Variants in PCDHGA3 observed in about 807,000 individuals in gnomAD.
The protein encoded by PCDHGA3 is protocadherin gamma-A3.
In PCDHGA3, 40 loss-of-function variants were observed where a neutral mutation model predicts 58.5. The observed-to-expected ratio is 0.68, with a 90% CI of 0.53 to 0.89. The LOEUF is 0.89. Ranked by LOEUF, PCDHGA3 falls within the 40% of genes least tolerant of loss-of-function variation. The pLI is 0.00. For missense variants in PCDHGA3, 1,223 were observed against 1,195.9 expected, an observed-to-expected ratio of 1.02 and a Z score of -0.33; for synonymous variants, 530 against 525.7, an observed-to-expected ratio of 1.01 and a Z score of -0.11.
rs1445450316 is a variant in PCDHGA3, at chr5:141,491,210, C to T, written c.2425-3597C>T. On this transcript the variant is annotated intron_variant, in intron 1 of 3. Coordinates refer to ENST00000253812, the MANE Select transcript of PCDHGA3 (RefSeq NM_018916.4). The surrounding 1 kb of genome is among the most constrained non-coding windows in gnomAD (Gnocchi z 6.9). ...AGGGACAATGGTGACCCTTCACTCT[C>T]CTCCACAGCCACAGTGCTGCTGGTT... The T allele has an allele frequency of 3.7e-6, 6 of 1,614,228 alleles. No homozygotes were observed. Among genetic ancestry groups the T allele is most frequent in the Non-Finnish European group, 3.4e-6 (4 of 1,180,032 alleles).
In PCDHGA3 at chr5:141,486,574, C is replaced by T. The variant is rs1435813800; in HGVS notation, c.2425-8233C>T. On this transcript the variant is annotated intron_variant, in intron 1 of 3. Transcript: ENST00000253812. This position sits in a 1 kb window ranked among gnomAD's most constrained non-coding sequence, Gnocchi z 5.0. ...CACATGAGGTGTTTGTTCCTGAGAACAATCGCCCAGGGGACCTGCTTTGCT... is the reference window on the plus strand; with the variant it reads ...CACATGAGGTGTTTGTTCCTGAGAATAATCGCCCAGGGGACCTGCTTTGCT... The T allele has an allele frequency of 1.9e-6, 3 of 1,613,868 alleles. No homozygotes were observed. Among genetic ancestry groups the T allele is most frequent in the Non-Finnish European group, 2.5e-6 (3 of 1,180,002 alleles).
chr5:141,389,309 T>C (rs763262842), intron 1 of PCDHGA3: 1 of 1,613,900 alleles, frequency 6.2e-7, no homozygotes, highest in African/African-American at 1.3e-5. Context: ...TCAGGGCTTC[T>C]GATCCGGACT....
chr5:141,371,565 C>A (rs373548501), intron 1 of PCDHGA3: 57 of 1,613,742 alleles, frequency 3.5e-5, no homozygotes, highest in Non-Finnish European at 4.6e-5. Context: ...AGGAAACTTC[C>A]CCTTTAAAAT....
intron 1 of PCDHGA3, chr5:141,390,099 C>G: frequency 6.2e-7 from 1 of 1,614,052 alleles, no homozygotes; most frequent in Non-Finnish European, 8.5e-7. Context: ...CGTGGTTCCC[C>G]CCAACTACAG....
At chr5:141,408,974 G>T (rs899313364) in intron 1 of PCDHGA3, 1 of 1,613,690 alleles carries the variant, frequency 6.2e-7, no homozygotes, top group South Asian at 1.1e-5. Flanking sequence ...TCTGCCCCCT[G>T]GGTCCCCTGT....
intron 1 of PCDHGA3, among the ~76,000 whole-genome samples, chr5:141,347,932 G>C (rs1758039048): frequency 6.6e-6 from 1 of 152,094 alleles, no homozygotes; most frequent in African/African-American, 2.4e-5. Context: ...AAATTATTAT[G>C]AGCCTTGGAG....
intron 1 of PCDHGA3, among the ~76,000 whole-genome samples, chr5:141,359,329 C>T (rs1425381791): frequency 6.6e-6 from 1 of 151,992 alleles, no homozygotes; most frequent in Middle Eastern, 3.4e-3. Context: ...GGAATATATT[C>T]CAGAATGAGA....
At position 141,415,641 on chromosome 5, in the gene PCDHGA3, TAA is replaced by T. The variant is rs113784532; in HGVS notation, c.2424+69194_2424+69195del. On this transcript the variant is annotated intron_variant, in intron 1 of 3. Transcript: ENST00000253812. ...GTTTTATTTTCATTTTTACTTTTGT[TAA>T]AAAAAAAAAGATTGGTTTTTACTTT... is the stretch of plus-strand genomic sequence containing the variant. 3.1e-5 allele frequency: 40 copies of T among 1,280,748 alleles called. No homozygotes were observed. The African/African-American group carries it at 4.6e-4, about 15-fold the overall frequency. 79.3% of individuals were successfully genotyped at this position (1,280,748 alleles called of 1,614,324 possible).
rs1561745511 is a variant in PCDHGA3 at position 141,413,844 on chromosome 5, C to T, written c.2424+67387C>T. The stretch of plus-strand genomic sequence containing the variant: ...TCCTCACCGCCTCCGACGGGGGTGA[C>T]CCTCTCCGATCTGGCACTGTCCTTG... On this transcript the variant is annotated intron_variant, in intron 1 of 3. Transcript: ENST00000253812. The T allele has an allele frequency of 5.6e-6, 9 of 1,613,254 alleles. No homozygotes were observed. The East Asian group carries it at 6.7e-5, about 12-fold the overall frequency.
At chr5:141,419,104 C>T (rs756257411) in intron 1 of PCDHGA3, 75 of 1,613,732 alleles carry the variant, frequency 4.6e-5, no homozygotes, top group Non-Finnish European at 5.9e-5. Context: ...GGGAGCAGAC[C>T]CCAGAGTACA....
At chr5:141,364,475 GC>G in intron 1 of PCDHGA3, 1 of 1,614,016 alleles carries the variant, frequency 6.2e-7, no homozygotes, top group Non-Finnish European at 8.5e-7. Context: ...CGGCAACATA[GC>G]CAAGGACCTT....
At chr5:141,347,084 C>CTCCT (rs140860697) in intron 1 of PCDHGA3, among the ~76,000 whole-genome samples, 1 of 135,672 alleles carries the variant, frequency 7.4e-6, no homozygotes, top group Non-Finnish European at 1.6e-5. Flanking sequence ...TCTCTCTTTC[C>CTCCT]TCCTTCCTTC....
chr5:141,376,393 C>T, intron 1 of PCDHGA3: 1 of 1,614,222 alleles, frequency 6.2e-7, no homozygotes, highest in Non-Finnish European at 8.5e-7. Context: ...ATCTGATTTT[C>T]CCCCAGCCCA....
Position 141,505,475 on chromosome 5 carries a change from G to A in PCDHGA3, c.2566G>A (p.Ala856Thr), listed in dbSNP as rs769108315. The A allele has an allele frequency of 2.2e-5, 35 of 1,614,098 alleles. No homozygotes were observed. Among genetic ancestry groups the A allele is most frequent in the South Asian group, 5.5e-5 (5 of 91,090 alleles). ...GCTGCAAGCCATGATCTTGGCGTCC[G>A]CCAGTGGTAAGTGGTGTCAGTGTGT... ...EMLQAMILAS[A>T]SEAADGSSTL... The change falls in exon 3 of 4, where the codon GCC becomes ACC. Residue 856 changes from alanine to threonine, a missense_variant. Physicochemically the swap from Ala to Thr is moderately conservative, Grantham distance 58. Transcript: ENST00000253812.
chr5:141,421,731 C>A (rs73792198), intron 1 of PCDHGA3: 144,261 of 1,613,668 alleles, frequency 0.089, 7,407 homozygotes, highest in African/African-American at 0.18. Flanking sequence ...TGAACTCCCT[C>A]CAGAGCTACC....
chr5:141,473,598 T>C (rs959841516), intron 1 of PCDHGA3, among the ~76,000 whole-genome samples: 8 of 152,066 alleles, frequency 5.3e-5, no homozygotes, highest in African/African-American at 1.9e-4. Flanking sequence ...CCTGTAGAAA[T>C]TAGCAAAGCA....
Position 141,389,843 on chromosome 5 carries a change from G to C in PCDHGA3, c.2424+43386G>C, listed in dbSNP as rs372102656. On this transcript the variant is annotated intron_variant, in intron 1 of 3. Coordinates refer to ENST00000253812, the MANE Select transcript of PCDHGA3 (RefSeq NM_018916.4). The stretch of plus-strand genomic sequence containing the variant: ...GTGACGGTGGACAGCCACCACTCTC[G>C]GCCACTGCCACGTTGCACCTGGTCT... 2.4e-5 allele frequency: 39 copies of C among 1,614,016 alleles called. No homozygotes were observed. The African/African-American group carries it at 4.1e-4, about 17-fold the overall frequency.
chr5:141,499,414 T>C (rs543824206), intron 2 of PCDHGA3, among the ~76,000 whole-genome samples: 1 of 151,804 alleles, frequency 6.6e-6, no homozygotes, highest in Non-Finnish European at 1.5e-5. Context: ...TATAGAAACA[T>C]GAAAAATAGA....
intron 1 of PCDHGA3, among the ~76,000 whole-genome samples, chr5:141,358,192 AAAAGTAAAATAAAAT>A (rs1229830630): frequency 7.9e-5 from 12 of 152,228 alleles, no homozygotes; most frequent in African/African-American, 2.4e-4. Flanking sequence ...TCTGTCTCCA[AAAAGTAAAATAAAAT>A]AAAGTAAAAT....
Sources: gnomAD v4.1 joint callset for allele counts (sites outside exome capture counted in the v4.1 genomes callset) on GRCh38, gnomAD v4.1.1 for gene constraint, Gnocchi (gnomAD v3.1) non-coding constraint, MANE v1.5 for transcripts, NCBI Gene and HGNC (gene_info 2026-07-23, HGNC 2026-07-21) for gene names.